SIGLEC5: variants seen among roughly 807,000 people sequenced by gnomAD.
SIGLEC5 encodes sialic acid binding Ig like lectin 5.
A neutral mutation model predicts 45.9 loss-of-function variants in SIGLEC5; 34 were observed. The ratio of observed to expected loss-of-function variants is 0.74; its 90% CI spans 0.56 to 0.99. SIGLEC5 has a LOEUF of 0.99. SIGLEC5 is among the 50% of genes least tolerant of loss of function. The pLI is 0.00. For synonymous variants in SIGLEC5, 203 were observed against 258.6 expected (o/e 0.79, Z 2.06); for missense variants, 508 against 629.6 (o/e 0.81, Z 2.07).
Position 51,611,072 on chromosome 19 carries a change from A to C in SIGLEC5, c.*1159T>G, listed in dbSNP as rs970598498. 3.3e-5 allele frequency among the ~76,000 whole-genome samples: 5 copies of C among 152,214 alleles called. No homozygotes were observed. Among genetic ancestry groups the C allele is most frequent in the Non-Finnish European group, 7.3e-5 (5 of 68,034 alleles). On this transcript the variant is annotated 3_prime_UTR_variant, in exon 9 of 9. Coordinates refer to ENST00000683636, the MANE Select transcript of SIGLEC5 (RefSeq NM_003830.4). ...CACCTTCTTTACAGTGATGAAAATGAAGTTTGGGTGGTAGATATTGAGAAT... is the reference window on the plus strand; with the variant it reads ...CACCTTCTTTACAGTGATGAAAATGCAGTTTGGGTGGTAGATATTGAGAAT...
Position 51,626,115 on chromosome 19 carries a change from T to A in SIGLEC5, c.1383-2A>T. The stretch of plus-strand genomic sequence containing the variant: ...GCTTGCTTCCTGCGGGCTTTCACTC[T>A]AAGGAAAGAAACCAGCACAGTGCAG... On this transcript the variant is annotated splice_acceptor_variant, in intron 7 of 8. Coordinates refer to ENST00000683636, the MANE Select transcript of SIGLEC5 (RefSeq NM_003830.4). LOFTEE classifies it high-confidence loss of function. 1 of 1,613,316 alleles carries A rather than the reference T, an allele frequency of 6.2e-7. No individual in the cohort carries two copies. Among genetic ancestry groups the A allele is most frequent in the Non-Finnish European group, 8.5e-7 (1 of 1,179,792 alleles).
intron 8 of SIGLEC5, among the ~76,000 whole-genome samples, chr19:51,619,731 T>C (rs1600100752): frequency 6.6e-6 from 1 of 151,710 alleles, no homozygotes; most frequent in Admixed American, 6.6e-5. Context: ...AATGAAAATA[T>C]AGACACTAAG....
intron 8 of SIGLEC5, among the ~76,000 whole-genome samples, chr19:51,624,862 G>A (rs113117608): frequency 0.018 from 2,723 of 152,256 alleles, 79 homozygotes; most frequent in African/African-American, 0.062. Context: ...TACTTGGGAG[G>A]CTGAGGCAGG....
intron 8 of SIGLEC5, among the ~76,000 whole-genome samples, chr19:51,624,200 G>A (rs1983395057): frequency 1.3e-5 from 2 of 152,086 alleles, no homozygotes; most frequent in Non-Finnish European, 1.5e-5. Context: ...GAATACAACT[G>A]CAACTTTATA....
At chr19:51,622,298 A>AT (rs1364355900) in intron 8 of SIGLEC5, among the ~76,000 whole-genome samples, 9,354 of 142,918 alleles carry the variant, frequency 0.065, 341 homozygotes, top group Non-Finnish European at 0.085. Context: ...CGCCTGGCTA[A>AT]TTTTTTTTTT....
At chr19:51,628,143 G>T (rs1030852159) in intron 4 of SIGLEC5, 52 bp from the exon 5 acceptor site, 38 of 1,473,836 alleles carry the variant, frequency 2.6e-5, no homozygotes, top group Non-Finnish European at 3.2e-5. Flanking sequence ...GAGGCTGACA[G>T]TCCCTATCCT....
Position 51,618,454 on chromosome 19 carries a change from A to AAAAAAAAAC in SIGLEC5, c.1465-6033_1465-6032insGTTTTTTTT, listed in dbSNP as rs1422515450. ...AGTGAGACCCTGCCTAAAAAAAAAA[A>AAAAAAAAAC]AAAAAAAAAAAAAACATCCAGTCGA... On this transcript the variant is annotated intron_variant, in intron 8 of 8. Transcript: ENST00000683636. Among the ~76,000 whole-genome samples the AAAAAAAAAC allele has an allele frequency of 6.0e-5, 9 of 149,504 alleles. No homozygotes were observed. In the East Asian group the frequency reaches 1.7e-3, roughly 29 times the overall value.
intron 6 of SIGLEC5, 78 bp from the exon 7 acceptor site, chr19:51,627,326 C>T: frequency 9.7e-6 from 15 of 1,550,170 alleles, no homozygotes; most frequent in East Asian, 2.2e-5. Context: ...GCAACTTGCT[C>T]CAGGGCCCTG....
intron 8 of SIGLEC5, among the ~76,000 whole-genome samples, chr19:51,615,450 T>C (rs1359875571): frequency 1.3e-5 from 2 of 152,186 alleles, no homozygotes; most frequent in African/African-American, 2.4e-5. Context: ...TGCCCCTCAC[T>C]GCAGAATTCA....
Position 51,627,053 on chromosome 19 carries a change from A to G in SIGLEC5, c.1382+96T>C, listed in dbSNP as rs370143662. ...TGAGCATCTGGAACCACAAGCACAC[A>G]TCACCACCTCTGGCCTTAGCTCTGT... On this transcript the variant is annotated intron_variant, in intron 7 of 8. Coordinates refer to ENST00000683636, the MANE Select transcript of SIGLEC5 (RefSeq NM_003830.4). The G allele has an allele frequency of 1.1e-3, 974 of 909,806 alleles. 6 individuals are homozygous for G. The highest frequency in any genetic ancestry group is 8.4e-3 in the South Asian group (545 of 65,042). 56.4% of individuals were successfully genotyped at this position (909,806 alleles called of 1,614,324 possible). A position where few individuals can be genotyped will look rare whatever the true frequency, so the allele number is the denominator to read the frequency against.
intron 8 of SIGLEC5, among the ~76,000 whole-genome samples, chr19:51,625,745 G>T (rs1055639783): frequency 1.3e-5 from 2 of 152,160 alleles, no homozygotes; most frequent in African/African-American, 2.4e-5. Context: ...CAGGAGAATC[G>T]CTTGAACCTG....
chr19:51,626,254 G>T lies in SIGLEC5; in HGVS notation c.1383-141C>A, dbSNP rs372837439. ...TAAACTCGGAGACCTTCCTGACTTC[G>T]GAGTGAGGGCTCCATCCTCCTGGAT... On this transcript the variant is annotated intron_variant, in intron 7 of 8. Coordinates refer to ENST00000683636, the MANE Select transcript of SIGLEC5 (RefSeq NM_003830.4). 3.7e-5 allele frequency: 24 copies of T among 654,838 alleles called. 1 individual carries two copies. In the East Asian group the frequency reaches 6.5e-4, roughly 18 times the overall value. The allele number at this position is 654,838 out of a possible 1,614,324, so 40.6% of individuals were successfully genotyped here.
In SIGLEC5 at chr19:51,611,539, G is replaced by T. The variant is rs1368416461; in HGVS notation, c.*692C>A. Among the ~76,000 whole-genome samples, 1 of 152,238 alleles carries T rather than the reference G, an allele frequency of 6.6e-6. No homozygotes were observed. The highest frequency in any genetic ancestry group is 1.5e-5 in the Non-Finnish European group (1 of 68,044). On this transcript the variant is annotated 3_prime_UTR_variant, in exon 9 of 9. Coordinates refer to ENST00000683636, the MANE Select transcript of SIGLEC5 (RefSeq NM_003830.4). Reference sequence around the variant, plus strand: ...TCAGGGGAGATGCTTGTGATATATTGTCTAAGGCCAGGGGGCCGTGAATGG... The same window carrying T: ...TCAGGGGAGATGCTTGTGATATATTTTCTAAGGCCAGGGGGCCGTGAATGG...
At position 51,629,899 on chromosome 19, in the gene SIGLEC5, G is replaced by A. The variant is rs773993688; in HGVS notation, c.355C>T (p.Arg119Cys). The change falls in exon 2 of 9, where the codon CGC becomes TGC. Residue 119 changes from arginine (R) to cysteine (C), a missense_variant. Physicochemically the swap from Arg to Cys is radical, Grantham distance 180. Transcript: ENST00000683636. ...RMEDTGSYFFRVERGRDVKYS... is the reference protein window; with the variant it reads ...RMEDTGSYFFCVERGRDVKYS... Reference sequence around the variant, plus strand: ...TTTACATCCCTTCCTCTCTCCACGCGGAAGAAATAGCTTCCCGTGTCCTCC... The same window carrying A: ...TTTACATCCCTTCCTCTCTCCACGCAGAAGAAATAGCTTCCCGTGTCCTCC... 22 of 1,167,488 alleles carry A rather than the reference G, an allele frequency of 1.9e-5. 2 individuals carry two copies. Among genetic ancestry groups the A allele is most frequent in the South Asian group, 3.7e-5 (3 of 80,396 alleles). The allele number at this position is 1,167,488 out of a possible 1,614,324, so 72.3% of individuals were successfully genotyped here.
At chr19:51,619,686 T>G (rs965162704) in intron 8 of SIGLEC5, among the ~76,000 whole-genome samples, 21 of 152,150 alleles carry the variant, frequency 1.4e-4, no homozygotes, top group African/African-American at 5.1e-4. Flanking sequence ...AATGAAATTC[T>G]GAGAGAAATT....
In SIGLEC5 at chr19:51,627,158, A is replaced by T. The variant is rs1221802064; in HGVS notation, c.1373T>A (p.Phe458Tyr). The part of the protein sequence containing the change: ...ALLCICLCLI[F>Y]FLIVKARRKQ... ...TGGGACCAAGACTTACATTAAAAAGAAGATGAGGCACAGACAGATACAGAG... is the reference window on the plus strand; with the variant it reads ...TGGGACCAAGACTTACATTAAAAAGTAGATGAGGCACAGACAGATACAGAG... Residue 458 changes from phenylalanine (F) to tyrosine (Y), a missense_variant, in exon 7 of 9, where the codon TTC becomes TAC. Transcript: ENST00000683636. The T allele has an allele frequency of 9.3e-6, 15 of 1,613,594 alleles. No individual in the cohort carries two copies. The highest frequency in any genetic ancestry group is 1.3e-5 in the Non-Finnish European group (15 of 1,179,542).
chr19:51,624,496 A>G (rs1379009500), intron 8 of SIGLEC5, among the ~76,000 whole-genome samples: 1 of 152,094 alleles, frequency 6.6e-6, no homozygotes, highest in Non-Finnish European at 1.5e-5. Context: ...GAAAAAGTAA[A>G]AGTAAATGAT....
Position 51,627,588 on chromosome 19 carries a change from T to C in SIGLEC5, c.1156A>G (p.Ser386Gly), listed in dbSNP as rs1355588201. ...SSQGSFKVNS[S>G]SAGPWANSSL... is the part of the protein sequence containing the mutation. ...CTGTTGGCCCAGGGCCCAGCTGAGC[T>C]GGAGTTGACCTTGAATGAGCCCTGG... The change falls in exon 6 of 9, where the codon AGC (serine) becomes GGC (glycine). Residue 386 changes from serine (S) to glycine (G), a missense_variant. Ser to Gly is a moderately conservative substitution (Grantham distance 56). Around this residue, in one of 2 missense-constraint regions of SIGLEC5, gnomAD observed 431 missense variants for 428.8 expected, o/e 1.01. Transcript: ENST00000683636. 1 of 1,614,000 alleles carries C rather than the reference T, an allele frequency of 6.2e-7. No homozygotes were observed. Among genetic ancestry groups the C allele is most frequent in the Non-Finnish European group, 8.5e-7 (1 of 1,180,028 alleles).
chr19:51,628,956 G>T (rs1983619131), intron 4 of SIGLEC5, 82 bp downstream of exon 4: 1 of 1,328,516 alleles, frequency 7.5e-7, no homozygotes, highest in Non-Finnish European at 1.1e-6. Flanking sequence ...AAATCTGATT[G>T]CATTCAAGCT....
Sources: gnomAD v4.1 joint callset for allele counts (sites outside exome capture counted in the v4.1 genomes callset) on GRCh38, gnomAD v4.1.1 for gene constraint, gnomAD v4.1.1 regional missense constraint, MANE v1.5 for transcripts, NCBI Gene and HGNC (gene_info 2026-07-23, HGNC 2026-07-21) for gene names.